PDE12: variants seen among roughly 807,000 people sequenced by gnomAD.
PDE12 encodes the protein 2',5'-phosphodiesterase 12.
PDE12 carries 26 observed loss-of-function variants against 45.4 expected under a neutral mutation model. The observed-to-expected ratio is 0.57, with a 90% CI of 0.42 to 0.79. The LOEUF (loss-of-function observed/expected upper bound fraction) is 0.79. Among genes scored for constraint, PDE12 ranks in the 30% least tolerant of loss-of-function variants. PDE12 has a pLI of 0.00. For missense variants in PDE12, 668 were observed against 790.0 expected (o/e 0.85, Z 1.85); for synonymous variants, 283 against 323.9 (o/e 0.87, Z 1.36).
At chr3:57,628,447 C>T in the PDE12 span, 1 of 1,426,114 alleles carries the variant, frequency 7.0e-7, no homozygotes, top group East Asian at 2.4e-5. Context: ...CAATTAGATA[C>T]TTTCAGTCTT....
the PDE12 span, among the ~76,000 whole-genome samples, chr3:57,598,403 G>T: frequency 6.6e-6 from 1 of 152,154 alleles, no homozygotes; most frequent in Non-Finnish European, 1.5e-5. Context: ...TTGAAGGCTT[G>T]CTGAGTAACG....
In PDE12 at chr3:57,561,010, A is replaced by G. The variant is rs983432684; in HGVS notation, c.*1006A>G. The stretch of plus-strand genomic sequence containing the variant: ...TCTTATTTTTAGGATTTTAGTTTTT[A>G]GTGTATGGTACAAATGAACACAGTT... On this transcript the variant is annotated 3_prime_UTR_variant, in exon 3 of 3. Transcript: ENST00000311180. 2.0e-6 allele frequency: 2 copies of G among 976,722 alleles called. No homozygotes were observed. The highest frequency in any genetic ancestry group is 3.5e-5 in the African/African-American group (2 of 57,036). The allele number at this position is 976,722 out of a possible 1,614,324, so 60.5% of individuals were successfully genotyped here.
Position 57,562,231 on chromosome 3 carries a change from C to A in PDE12, c.*2227C>A. On this transcript the variant is annotated 3_prime_UTR_variant, in exon 3 of 3. Transcript: ENST00000311180. ...CATACAGCTTCCACATTAACACTGG[C>A]TAGATTAAACTCTAGTCAGAAAAAC... 2 of 410,834 alleles carry A rather than the reference C, an allele frequency of 4.9e-6. No individual in the cohort carries two copies. The highest frequency in any genetic ancestry group is 6.6e-6 in the Non-Finnish European group (2 of 305,100). 25.4% of individuals were successfully genotyped at this position (410,834 alleles called of 1,614,324 possible). A position where few individuals can be genotyped will look rare whatever the true frequency, so the allele number is the denominator to read the frequency against.
the PDE12 span, among the ~76,000 whole-genome samples, chr3:57,601,884 A>G: frequency 6.7e-6 from 1 of 150,330 alleles, no homozygotes; most frequent in African/African-American, 2.4e-5. Context: ...AGCTGGGACT[A>G]CAGGTGCACA....
chr3:57,629,479 T>A, the PDE12 span, among the ~76,000 whole-genome samples: 7 of 147,462 alleles, frequency 4.7e-5, no homozygotes, highest in Non-Finnish European at 7.4e-5. Context: ...AGGCTGGTAA[T>A]ACAGAACATA....
the PDE12 span, among the ~76,000 whole-genome samples, chr3:57,623,498 G>A: frequency 6.6e-6 from 1 of 152,096 alleles, no homozygotes; most frequent in African/African-American, 2.4e-5. Flanking sequence ...GACCAACATG[G>A]TGAAACCCCA....
the PDE12 span, chr3:57,628,146 C>A: frequency 6.4e-7 from 1 of 1,556,094 alleles, no homozygotes; most frequent in Non-Finnish European, 8.7e-7. Flanking sequence ...CTCCTTTGTG[C>A]GTCTGGTTGA....
chr3:57,609,284 G>C, the PDE12 span, among the ~76,000 whole-genome samples: 3 of 152,090 alleles, frequency 2.0e-5, no homozygotes, highest in Admixed American at 6.6e-5. Context: ...GAGAAAGCAG[G>C]AAAGGTCTAA....
chr3:57,620,107 A>C, the PDE12 span, among the ~76,000 whole-genome samples: 1 of 152,040 alleles, frequency 6.6e-6, no homozygotes, highest in South Asian at 2.1e-4. Flanking sequence ...CTGTAATCCC[A>C]GCTACTCGGG....
chr3:57,618,121 G>A, the PDE12 span, among the ~76,000 whole-genome samples: 1 of 152,080 alleles, frequency 6.6e-6, no homozygotes, highest in Non-Finnish European at 1.5e-5. Context: ...AATAAACACT[G>A]GAGATTCCAA....
chr3:57,639,554 T>C, the PDE12 span, among the ~76,000 whole-genome samples: 25 of 152,204 alleles, frequency 1.6e-4, no homozygotes, highest in African/African-American at 6.0e-4. Flanking sequence ...AAAAAATTTA[T>C]CATATCATCT....
At chr3:57,559,432 G>A in intron 2 of PDE12, 44 bp downstream of exon 2, 2 of 1,544,416 alleles carry the variant, frequency 1.3e-6, no homozygotes, top group Non-Finnish European at 8.8e-7. Context: ...CACGCTTAAA[G>A]TTGTTTAAAG....
At chr3:57,646,194 G>C in the PDE12 span, 2 of 1,365,610 alleles carry the variant, frequency 1.5e-6, no homozygotes, top group Non-Finnish European at 2.0e-6. Flanking sequence ...TTTTTGCATG[G>C]ATCAATGCAA....
chr3:57,578,901 A>C, the PDE12 span, among the ~76,000 whole-genome samples: 1 of 151,906 alleles, frequency 6.6e-6, no homozygotes, highest in Non-Finnish European at 1.5e-5. Flanking sequence ...GGGGGGGGGC[A>C]AAAATAAAAA....
chr3:57,599,293 TGAGCA>T, the PDE12 span, among the ~76,000 whole-genome samples: 2 of 152,200 alleles, frequency 1.3e-5, no homozygotes, highest in Non-Finnish European at 2.9e-5. Context: ...TTTATCTCAG[TGAGCA>T]GAGGGGTGAC....
chr3:57,557,727 T>A (rs748977432), intron 1 of PDE12, 40 bp downstream of exon 1: 4 of 1,554,024 alleles, frequency 2.6e-6, no homozygotes, highest in Non-Finnish European at 3.5e-6. Context: ...ACTGTCCCAC[T>A]TTTAGGGGCC....
chr3:57,568,544 C>T (rs1248524705), downstream of PDE12, among the ~76,000 whole-genome samples: 2 of 150,510 alleles, frequency 1.3e-5, no homozygotes, highest in Non-Finnish European at 2.9e-5. Flanking sequence ...ACTGAAGTGT[C>T]TGAATGAGAC....
In PDE12 at chr3:57,560,395, G is replaced by A. The variant is rs1426976075; in HGVS notation, c.*391G>A. On this transcript the variant is annotated 3_prime_UTR_variant, in exon 3 of 3. Transcript: ENST00000311180. ...GGCTGGAGTGCAATGGCACAATCTC[G>A]GCTCACTGCAACCTCCGCCCCCTGG... 1 of 739,676 alleles carries A rather than the reference G, an allele frequency of 1.4e-6. No individual in the cohort carries two copies. The highest frequency in any genetic ancestry group is 1.7e-6 in the Non-Finnish European group (1 of 597,882). 45.8% of individuals were successfully genotyped at this position (739,676 alleles called of 1,614,324 possible). A position where few individuals can be genotyped will look rare whatever the true frequency, so the allele number is the denominator to read the frequency against.
chr3:57,634,965 G>A, the PDE12 span, among the ~76,000 whole-genome samples: 21 of 152,096 alleles, frequency 1.4e-4, no homozygotes, highest in African/African-American at 4.1e-4. Context: ...TACTACAACA[G>A]TACAGAAATA....
Sources: allele counts gnomAD v4.1 joint callset (sites outside exome capture counted in the v4.1 genomes callset), GRCh38; gene constraint gnomAD v4.1.1; transcripts MANE v1.5; gene names NCBI Gene and HGNC (gene_info 2026-07-23, HGNC 2026-07-21).